DCAF13: variants seen among roughly 807,000 people sequenced by gnomAD.
DCAF13 encodes DDB1- and CUL4-associated factor 13.
Under a neutral mutation model 59.0 loss-of-function variants are expected in DCAF13, and 38 were observed. That is an observed-to-expected ratio of 0.64 (90% CI 0.50 to 0.84). The LOEUF (loss-of-function observed/expected upper bound fraction) is 0.84. Ranked by LOEUF, DCAF13 falls within the 40% of genes least tolerant of loss-of-function variation. DCAF13 has a pLI of 0.00. For missense variants in DCAF13, 469 were observed against 558.4 expected (o/e 0.84, Z 1.61); for synonymous variants, 173 against 175.0 (o/e 0.99, Z 0.09).
At chr8:103,417,541 C>G (rs1816637775) in intron 1 of DCAF13, among the ~76,000 whole-genome samples, 1 of 149,732 alleles carries the variant, frequency 6.7e-6, no homozygotes, top group Non-Finnish European at 1.5e-5. Context: ...ACTCAGGAGG[C>G]TGAGGCGGGA....
At position 103,426,083 on chromosome 8, in the gene DCAF13, T is replaced by G. The variant is rs776153682; in HGVS notation, c.406T>G (p.Trp136Gly). 7.4e-6 allele frequency: 12 copies of G among 1,612,752 alleles called. No homozygotes were observed. The Admixed American group carries it at 1.5e-4, about 20-fold the overall frequency. ...TGGTGATGACAAAACTGTGAAGCAG[T>G]GGAAAATGGATGGGCCAGGCTATGG... is the stretch of plus-strand genomic sequence containing the variant. ...TVGDDKTVKQ[W>G]KMDGPGYGDE... Residue 136 changes from tryptophan to glycine, a missense_variant, in exon 4 of 11, where the codon TGG (tryptophan) becomes GGG (glycine). Trp to Gly is a radical substitution (Grantham distance 184). This residue lies in a region of DCAF13 where 355 missense variants were observed against 399.1 expected (regional missense o/e 0.89). Transcript: ENST00000612750.
chr8:103,427,013 G>T, intron 4 of DCAF13, 84 bp from the exon 5 acceptor site: 1 of 1,079,294 alleles, frequency 9.3e-7, no homozygotes, highest in East Asian at 2.8e-5. Context: ...TAAAAAGATA[G>T]TATAGATAAA....
rs779207287 is a variant in DCAF13, at chr8:103,430,659, C to T, written c.672C>T (p.Tyr224=). 1.8e-5 allele frequency: 29 copies of T among 1,609,636 alleles called. No individual in the cohort carries two copies. Among genetic ancestry groups the T allele is most frequent in the African/African-American group, 1.1e-4 (8 of 74,606 alleles). The change falls in exon 6 of 11, where the codon TAC becomes TAT. Residue 224 remains tyrosine, a synonymous_variant. Transcript: ENST00000612750. ...SCASDRNIVL[Y]DMRQATPLKK... is the part of the protein sequence containing the mutation. ...CATCTGACAGGAATATAGTACTGTA[C>T]GATATGAGGCAAGCTACTCCTTTGA...
At chr8:103,442,188 A>G (rs932389513) in intron 10 of DCAF13, 8 of 152,244 alleles carry the variant, frequency 5.3e-5, no homozygotes, top group African/African-American at 1.9e-4. Flanking sequence ...TGAGTTACCA[A>G]AATAAGAAAA....
At position 103,427,161 on chromosome 8, in the gene DCAF13, T is replaced by C. The variant is rs748540892; in HGVS notation, c.533T>C (p.Val178Ala). ...GTTTTTGCCACATGTGGACAGCAAG[T>C]AGACATTTGGGATGAACAAAGAACT... is the stretch of plus-strand genomic sequence containing the variant. ...EAVFATCGQQ[V>A]DIWDEQRTNP... Residue 178 changes from valine to alanine, a missense_variant, in exon 5 of 11, where the codon GTA (valine) becomes GCA (alanine). By Grantham distance (64) the Val-to-Ala change is moderately conservative. This residue lies in a region of DCAF13 where 355 missense variants were observed against 399.1 expected (regional missense o/e 0.89). Transcript: ENST00000612750. 2.3e-5 allele frequency: 37 copies of C among 1,613,354 alleles called. No homozygotes were observed. Among genetic ancestry groups the C allele is most frequent in the Non-Finnish European group, 2.9e-5 (34 of 1,179,556 alleles).
chr8:103,418,545 AAAAC>A (rs1379405023), intron 1 of DCAF13, among the ~76,000 whole-genome samples: 6 of 149,598 alleles, frequency 4.0e-5, no homozygotes, highest in African/African-American at 1.5e-4. Context: ...AACAAAAACA[AAAAC>A]AAAACACAAA....
Position 103,443,308 on chromosome 8 carries a change from T to G in DCAF13, c.*426T>G, listed in dbSNP as rs1817034929. The G allele has an allele frequency of 6.6e-6, 1 of 152,304 alleles. No homozygotes were observed. Among genetic ancestry groups the G allele is most frequent in the African/African-American group, 2.4e-5 (1 of 41,468 alleles). 9.4% of individuals were successfully genotyped at this position (152,304 alleles called of 1,614,324 possible). ...CATTTAGAATAATGATGTCAATTTT[T>G]TACAACTGAATTTATTTCTAGTGCT... is the stretch of plus-strand genomic sequence containing the variant. On this transcript the variant is annotated 3_prime_UTR_variant, in exon 11 of 11. Coordinates refer to ENST00000612750, the MANE Select transcript of DCAF13 (RefSeq NM_015420.7).
rs1158623085 is a variant in DCAF13, at chr8:103,441,571, T to C, written c.1203T>C (p.Tyr401=). The change falls in exon 10 of 11, where the codon TAT becomes TAC. Residue 401 remains tyrosine, a synonymous_variant. Transcript: ENST00000612750. ...ATCGACATCTACCAAAATCTATCTA[T>C]AGCCAGATTCAGGAACAGCGCATCA... ...ARHRHLPKSI[Y]SQIQEQRIMK... is the part of the protein sequence containing the mutation. 3.1e-6 allele frequency: 5 copies of C among 1,609,958 alleles called. No homozygotes were observed. Among genetic ancestry groups the C allele is most frequent in the Non-Finnish European group, 4.2e-6 (5 of 1,179,130 alleles).
chr8:103,418,055 G>A (rs1478120614), intron 1 of DCAF13, among the ~76,000 whole-genome samples: 1 of 151,816 alleles, frequency 6.6e-6, no homozygotes, highest in Admixed American at 6.5e-5. Flanking sequence ...GTGAACCCGG[G>A]AGGTGGAGCT....
chr8:103,437,131 A>G (rs550985823), intron 8 of DCAF13, among the ~76,000 whole-genome samples: 23 of 152,184 alleles, frequency 1.5e-4, no homozygotes, highest in African/African-American at 2.6e-4. Flanking sequence ...CTATGTGACT[A>G]TTGCTTCCTT....
In DCAF13 at chr8:103,420,962, T is replaced by G; in HGVS notation, c.271-13T>G. ...TATAGTTCACTGAAATTTCCTGGTA[T>G]GCCTTATCATAGGTTAGAATTTGGA... On this transcript the variant is annotated splice_polypyrimidine_tract_variant and intron_variant, in intron 2 of 10. Transcript: ENST00000612750. 6.6e-7 allele frequency: 1 copy of G among 1,505,424 alleles called. No homozygotes were observed. Among genetic ancestry groups the G allele is most frequent in the Non-Finnish European group, 9.2e-7 (1 of 1,081,334 alleles). The allele number at this position is 1,505,424 out of a possible 1,614,324, so 93.3% of individuals were successfully genotyped here.
rs190239900 is a variant in DCAF13 at position 103,416,143 on chromosome 8, G to A, written c.70+627G>A. On this transcript the variant is annotated intron_variant, in intron 1 of 10. Coordinates refer to ENST00000612750, the MANE Select transcript of DCAF13 (RefSeq NM_015420.7). ...TTGTTCTAAATAAAGAGAATAACAG[G>A]AGCAAAGGTCTTCAGGCAGGAATGA... Among the ~76,000 whole-genome samples, 739 of 152,320 alleles carry A rather than the reference G, an allele frequency of 4.9e-3. 4 individuals are homozygous for A. Among genetic ancestry groups the A allele is most frequent in the Non-Finnish European group, 8.1e-3 (551 of 68,028 alleles).
Position 103,424,210 on chromosome 8 carries a change from G to T in DCAF13, c.379-1846G>T, listed in dbSNP as rs1009234474. On this transcript the variant is annotated intron_variant, in intron 3 of 10. Transcript: ENST00000612750. The stretch of plus-strand genomic sequence containing the variant: ...ATTTTTTTATTTATTTTTATTTTTA[G>T]TAGAGACAGGGTTTCACCGTGTTAG... Among the ~76,000 whole-genome samples, 6 of 152,096 alleles carry T rather than the reference G, an allele frequency of 3.9e-5. No individual in the cohort carries two copies. In the South Asian group the frequency reaches 8.3e-4, roughly 21 times the overall value.
chr8:103,440,019 G>A (rs1269551018), intron 8 of DCAF13, 117 bp from the exon 9 acceptor site: 1 of 788,674 alleles, frequency 1.3e-6, no homozygotes, highest in African/African-American at 1.8e-5. Context: ...AAGAATTTGA[G>A]TTTTTATTTT....
intron 8 of DCAF13, among the ~76,000 whole-genome samples, chr8:103,438,285 G>C (rs1343645161): frequency 6.6e-6 from 1 of 152,128 alleles, no homozygotes; most frequent in Non-Finnish European, 1.5e-5. Context: ...ATCTCATCTA[G>C]TTTTCATTTT....
At chr8:103,432,952 A>G (rs1244861825) in intron 7 of DCAF13, among the ~76,000 whole-genome samples, 1 of 152,188 alleles carries the variant, frequency 6.6e-6, no homozygotes, top group African/African-American at 2.4e-5. Context: ...TAGACCAGGG[A>G]CAGTAAACAA....
intron 3 of DCAF13, among the ~76,000 whole-genome samples, chr8:103,424,360 A>C (rs529699648): frequency 3.0e-4 from 46 of 152,326 alleles, no homozygotes; most frequent in Non-Finnish European, 5.4e-4. Flanking sequence ...GTGCTTTGTC[A>C]GAGATAAGAC....
chr8:103,420,165 T>C (rs1816702713), intron 1 of DCAF13, 99 bp from the exon 2 acceptor site: 1 of 1,055,538 alleles, frequency 9.5e-7, no homozygotes, highest in Non-Finnish European at 1.4e-6. Flanking sequence ...TAGAACAATG[T>C]CACTAACTAA....
At chr8:103,426,856 G>A (rs115564917) in intron 4 of DCAF13, among the ~76,000 whole-genome samples, 1,655 of 152,108 alleles carry the variant, frequency 0.011, 33 homozygotes, top group African/African-American at 0.038. Flanking sequence ...ATGAGTATGA[G>A]GTAGAGATAA....
Sources: allele counts gnomAD v4.1 joint callset (sites outside exome capture counted in the v4.1 genomes callset), GRCh38; gene constraint gnomAD v4.1.1; regional missense constraint gnomAD v4.1.1; transcripts MANE v1.5; gene names NCBI Gene and HGNC (gene_info 2026-07-23, HGNC 2026-07-21).